The following GLT1D1 variants were observed in gnomAD, a reference collection of about 807,000 sequenced individuals.
GLT1D1 encodes the protein glycosyltransferase 1 domain-containing protein 1.
A neutral mutation model predicts 28.7 loss-of-function variants in GLT1D1; 21 were observed. The ratio of observed to expected loss-of-function variants is 0.73; its 90% CI spans 0.52 to 1.05. The LOEUF (loss-of-function observed/expected upper bound fraction) is 1.05. Among genes scored for constraint, GLT1D1 ranks in the 50% least tolerant of loss-of-function variants. The pLI is 0.00. For synonymous variants in GLT1D1, 147 were observed against 124.8 expected, an observed-to-expected ratio of 1.18 and a Z score of -1.19; for missense variants, 343 against 330.6, an observed-to-expected ratio of 1.04 and a Z score of -0.29.
chr12:128,862,551 G>A (rs2135762800), intron 1 of GLT1D1, among the ~76,000 whole-genome samples: 1 of 152,296 alleles, frequency 6.6e-6, no homozygotes, highest in Non-Finnish European at 1.5e-5. Context: ...GCTGAGGCAG[G>A]AGGATCACTT....
intron 6 of GLT1D1, among the ~76,000 whole-genome samples, chr12:128,951,131 G>C (rs989987441): frequency 6.6e-6 from 1 of 152,102 alleles, no homozygotes; most frequent in Non-Finnish European, 1.5e-5. Context: ...GGCCGGGCGC[G>C]GTGGCTCACG....
intron 6 of GLT1D1, 51 bp downstream of exon 10, chr12:128,947,509 C>T (rs763439598): frequency 1.2e-6 from 2 of 1,602,626 alleles, no homozygotes; most frequent in Non-Finnish European, 1.7e-6. Context: ...TTGTCCATCA[C>T]TCCTTCTCCT....
At chr12:128,867,351 C>T (rs1226899857) in intron 1 of GLT1D1, among the ~76,000 whole-genome samples, 1 of 137,406 alleles carries the variant, frequency 7.3e-6, no homozygotes, top group African/African-American at 2.8e-5. Flanking sequence ...GAGCCGAGAT[C>T]GCACCATTGC....
intron 1 of GLT1D1, among the ~76,000 whole-genome samples, chr12:128,855,222 C>G (rs1956184486): frequency 2.5e-5 from 1 of 40,094 alleles, no homozygotes; most frequent in African/African-American, 6.4e-5. Context: ...CAGACTCCAT[C>G]TAAAAAAAAA....
chr12:128,875,616 G>A (rs1009318895), intron 1 of GLT1D1, among the ~76,000 whole-genome samples: 1 of 152,106 alleles, frequency 6.6e-6, no homozygotes, highest in Admixed American at 6.6e-5. Context: ...GGCCAACATG[G>A]TGAAACCCCG....
At chr12:128,898,742 G>T (rs1432303639) in intron 3 of GLT1D1, among the ~76,000 whole-genome samples, 2 of 152,176 alleles carry the variant, frequency 1.3e-5, no homozygotes, top group African/African-American at 4.8e-5. Context: ...AGATTACCTT[G>T]TTTTCTTAGT....
chr12:128,945,165 C>CATG (rs1250749959), intron 4 of GLT1D1, 161 bp from the exon 9 acceptor site: 188 of 776,024 alleles, frequency 2.4e-4, no homozygotes, highest in Non-Finnish European at 1.1e-4. Flanking sequence ...AGCCGGGGGC[C>CATG]CCCATGATCA....
intron 4 of GLT1D1, among the ~76,000 whole-genome samples, chr12:128,909,855 A>T (rs1047689428): frequency 6.6e-6 from 1 of 152,276 alleles, no homozygotes; most frequent in African/African-American, 2.4e-5. Flanking sequence ...AGTGTTTGCC[A>T]TTGTGTGCAC....
intron 4 of GLT1D1, among the ~76,000 whole-genome samples, chr12:128,927,841 A>G (rs1024600217): frequency 4.6e-5 from 7 of 151,200 alleles, no homozygotes; most frequent in African/African-American, 1.7e-4. Flanking sequence ...CTCTACTAAA[A>G]ATACAAAATT....
At chr12:128,928,612 G>GTTT (rs966874574) in intron 4 of GLT1D1, among the ~76,000 whole-genome samples, 1 of 143,932 alleles carries the variant, frequency 6.9e-6, no homozygotes, top group Non-Finnish European at 1.5e-5. Flanking sequence ...CGTGTTTGTG[G>GTTT]TTTTTTTTTT....
intron 6 of GLT1D1, among the ~76,000 whole-genome samples, chr12:128,952,347 C>T (rs922933379): frequency 1.3e-5 from 2 of 148,800 alleles, no homozygotes; most frequent in Non-Finnish European, 3.0e-5. Context: ...GAAGTCCTCA[C>T]CCCTGGCGTC....
At chr12:128,972,338 A>G (rs981399258) in intron 7 of GLT1D1, among the ~76,000 whole-genome samples, 6 of 152,196 alleles carry the variant, frequency 3.9e-5, no homozygotes, top group African/African-American at 1.4e-4. Flanking sequence ...TGCGGGAGAG[A>G]GAAGACAGGG....
At chr12:128,924,142 C>G (rs1170001195) in intron 4 of GLT1D1, among the ~76,000 whole-genome samples, 1 of 152,060 alleles carries the variant, frequency 6.6e-6, no homozygotes, top group African/African-American at 2.4e-5. Flanking sequence ...AAGCCTCATT[C>G]TTGGCCTGGA....
intron 2 of GLT1D1, among the ~76,000 whole-genome samples, chr12:128,887,325 A>G (rs1316650168): frequency 1.3e-5 from 2 of 152,096 alleles, no homozygotes; most frequent in Non-Finnish European, 2.9e-5. Context: ...CCCATCCCAG[A>G]TCTGTAGTCT....
chr12:128,922,339 C>T (rs1482921336), intron 4 of GLT1D1, among the ~76,000 whole-genome samples: 1 of 152,166 alleles, frequency 6.6e-6, no homozygotes, highest in Non-Finnish European at 1.5e-5. Flanking sequence ...TCTCTATCCT[C>T]ATCAAACTTT....
At chr12:128,968,285 G>T (rs60253975) in intron 7 of GLT1D1, among the ~76,000 whole-genome samples, 6,939 of 151,800 alleles carry the variant, frequency 0.046, 199 homozygotes, top group African/African-American at 0.082. Context: ...GTGAGCCACT[G>T]CGCCCGGTCA....
At chr12:128,874,672 C>T (rs774769550) in intron 1 of GLT1D1, among the ~76,000 whole-genome samples, 3 of 151,958 alleles carry the variant, frequency 2.0e-5, no homozygotes, top group Non-Finnish European at 4.4e-5. Context: ...TTTATAGAGA[C>T]AGGGTTTCAC....
chr12:128,862,606 T>C (rs1474814759), intron 1 of GLT1D1, among the ~76,000 whole-genome samples: 2 of 152,188 alleles, frequency 1.3e-5, no homozygotes, highest in Non-Finnish European at 2.9e-5. Flanking sequence ...ATGGCACCAC[T>C]GCACTCCAGC....
intron 1 of GLT1D1, among the ~76,000 whole-genome samples, chr12:128,858,564 T>C (rs1956283210): frequency 6.6e-6 from 1 of 151,704 alleles, no homozygotes; most frequent in Non-Finnish European, 1.5e-5. Context: ...CCCAGCTACT[T>C]GGGTGGCTGA....
Sources: allele counts gnomAD v4.1 joint callset (sites outside exome capture counted in the v4.1 genomes callset), GRCh38; gene constraint gnomAD v4.1.1; transcripts MANE v1.5; gene names NCBI Gene and HGNC (gene_info 2026-07-23, HGNC 2026-07-21).